Variants in OBP2B observed in about 807,000 individuals in gnomAD.
The protein encoded by OBP2B is odorant-binding protein 2b.
OBP2B carries 10 observed loss-of-function variants against 21.7 expected under a neutral mutation model. That is an observed-to-expected ratio of 0.46 (90% CI 0.28 to 0.78). The LOEUF is 0.78. OBP2B is among the 30% of genes least tolerant of loss of function. The pLI, the probability that OBP2B is intolerant of heterozygous loss-of-function variation, is 0.11. For synonymous variants in OBP2B, 73 were observed against 91.5 expected (o/e 0.80, Z 1.16); for missense variants, 153 against 217.7 (o/e 0.70, Z 1.87).
In OBP2B at chr9:133,205,338, G is replaced by A; in HGVS notation, c.*75C>T. 6.5e-7 allele frequency: 1 copy of A among 1,530,762 alleles called. No homozygotes were observed. 94.8% of individuals were successfully genotyped at this position (1,530,762 alleles called of 1,614,324 possible). A position where few individuals can be genotyped will look rare whatever the true frequency, so the allele number is the denominator to read the frequency against. ...TGGGAGCAGGGAAGGGTCATGGCTG[G>A]AGGGTAGGTCCAGGTGGTCCAGGCT... On this transcript the variant is annotated 3_prime_UTR_variant, in exon 7 of 7. Transcript: ENST00000372034.
In OBP2B at chr9:133,206,400, G is replaced by A. The variant is rs1833712667; in HGVS notation, c.405C>T (p.Thr135=). ...TAAATTCTTCCAGGGCCTCCCGGTT[G>A]GTATCAGAATTCCTACCTGCAGGTG... ...MGKLVGRNSD[T]NREALEEFKK... is the part of the protein sequence containing the mutation. The change falls in exon 5 of 7, where the codon ACC becomes ACT. Residue 135 remains threonine, a synonymous_variant. Coordinates refer to ENST00000372034, the MANE Select transcript of OBP2B (RefSeq NM_014581.4). The A allele has an allele frequency of 9.9e-6, 16 of 1,614,044 alleles. No individual in the cohort carries two copies. The highest frequency in any genetic ancestry group is 1.3e-5 in the Non-Finnish European group (15 of 1,179,958).
chr9:133,222,621 G>A, the OBP2B span, among the ~76,000 whole-genome samples: 2 of 152,088 alleles, frequency 1.3e-5, no homozygotes, highest in Non-Finnish European at 2.9e-5. Context: ...CCAGCTACTC[G>A]GGAGGCTGAG....
In OBP2B at chr9:133,205,913, T is replaced by C. The variant is rs1443052323; in HGVS notation, c.*1+4A>G. ...GTCCAGTGCCCTCCTAAAGGCTCAC[T>C]CACCCTAGTGTTCGGGAACGCAGCT... On this transcript the variant is annotated splice_donor_region_variant and intron_variant, in intron 6 of 6. Transcript: ENST00000372034. 6.2e-7 allele frequency: 1 copy of C among 1,613,842 alleles called. No individual in the cohort carries two copies. The highest frequency in any genetic ancestry group is 8.5e-7 in the Non-Finnish European group (1 of 1,179,814).
chr9:133,217,904 G>T, the OBP2B span, among the ~76,000 whole-genome samples: 1 of 152,180 alleles, frequency 6.6e-6, no homozygotes, highest in Non-Finnish European at 1.5e-5. Flanking sequence ...ATTCTTTGTG[G>T]TTCTCTTTAA....
chr9:133,216,718 G>A, the OBP2B span, among the ~76,000 whole-genome samples: 1 of 151,900 alleles, frequency 6.6e-6, no homozygotes, highest in Non-Finnish European at 1.5e-5. Context: ...TGCAACAATG[G>A]GATGAATCTC....
intron 4 of OBP2B, among the ~76,000 whole-genome samples, chr9:133,206,729 A>T (rs1388844088): frequency 6.6e-6 from 1 of 151,484 alleles, no homozygotes; most frequent in Admixed American, 6.6e-5. Context: ...GGGACTGGGG[A>T]CAGAGGAGAC....
chr9:133,214,061 G>A (rs1165246912), upstream of OBP2B, among the ~76,000 whole-genome samples: 1 of 152,038 alleles, frequency 6.6e-6, no homozygotes, highest in Non-Finnish European at 1.5e-5. Flanking sequence ...ATGGAAACCT[G>A]GTACAATACT....
chr9:133,215,764 C>T, the OBP2B span, among the ~76,000 whole-genome samples: 2 of 152,178 alleles, frequency 1.3e-5, no homozygotes, highest in African/African-American at 4.8e-5. Flanking sequence ...ATAAAGAATC[C>T]TCAAACAGAC....
At chr9:133,220,107 T>G in the OBP2B span, among the ~76,000 whole-genome samples, 1 of 151,954 alleles carries the variant, frequency 6.6e-6, no homozygotes, top group African/African-American at 2.4e-5. Context: ...TTCTGGGGCG[T>G]GGAGGGAAGA....
chr9:133,212,754 A>G (rs540234591), upstream of OBP2B, among the ~76,000 whole-genome samples: 1 of 152,198 alleles, frequency 6.6e-6, no homozygotes, highest in African/African-American at 2.4e-5. Flanking sequence ...AACATGGCGA[A>G]AACCCATCTC....
chr9:133,213,360 C>T (rs1467568293), upstream of OBP2B, among the ~76,000 whole-genome samples: 1 of 152,076 alleles, frequency 6.6e-6, no homozygotes, highest in East Asian at 1.9e-4. Flanking sequence ...GCTCCCACTT[C>T]AAGAACCTAG....
upstream of OBP2B, among the ~76,000 whole-genome samples, chr9:133,210,596 T>A (rs1833897081): frequency 6.6e-6 from 1 of 151,832 alleles, no homozygotes; most frequent in Non-Finnish European, 1.5e-5. Context: ...CGTATTTCAT[T>A]GGTTGTTTGT....
At chr9:133,222,860 G>T in the OBP2B span, among the ~76,000 whole-genome samples, 2 of 151,674 alleles carry the variant, frequency 1.3e-5, no homozygotes, top group African/African-American at 2.4e-5. Context: ...CCACACAGCT[G>T]GTCCCACTGC....
At chr9:133,222,981 G>C in the OBP2B span, among the ~76,000 whole-genome samples, 2 of 152,124 alleles carry the variant, frequency 1.3e-5, no homozygotes, top group African/African-American at 4.8e-5. Context: ...AAGTGGCATG[G>C]AACCAGTCTG....
intron 4 of OBP2B, 72 bp from the exon 5 acceptor site, chr9:133,206,488 G>A: frequency 6.3e-7 from 1 of 1,590,420 alleles, no homozygotes; most frequent in Non-Finnish European, 8.6e-7. Context: ...GATGCCGAAA[G>A]GAGACGACCA....
chr9:133,207,597 C>G (rs1255410626), intron 3 of OBP2B, among the ~76,000 whole-genome samples: 4 of 152,140 alleles, frequency 2.6e-5, no homozygotes, highest in Non-Finnish European at 1.5e-5. Flanking sequence ...GCTCCTGCCC[C>G]ACTTCCCTGT....
At chr9:133,208,103 G>GGTGGGGGTGGGA (rs1171752449) in intron 3 of OBP2B, 30 bp downstream of exon 3, 55 of 1,540,742 alleles carry the variant, frequency 3.6e-5, no homozygotes, top group Non-Finnish European at 4.8e-5. Flanking sequence ...GGTGGGGGAG[G>GGTGGGGGTGGGA]GTGGGGGTGG....
At chr9:133,219,860 T>C in the OBP2B span, among the ~76,000 whole-genome samples, 1 of 152,046 alleles carries the variant, frequency 6.6e-6, no homozygotes, top group East Asian at 1.9e-4. Flanking sequence ...ACCCAAGAAG[T>C]AGAAACAACT....
At chr9:133,212,837 A>C (rs1833931022), upstream of OBP2B, among the ~76,000 whole-genome samples, 1 of 152,166 alleles carries the variant, frequency 6.6e-6, no homozygotes, top group East Asian at 1.9e-4. Context: ...AGGCTGAGGC[A>C]GGAGAATCAC....
Sources: allele counts gnomAD v4.1 joint callset (sites outside exome capture counted in the v4.1 genomes callset), GRCh38; gene constraint gnomAD v4.1.1; transcripts MANE v1.5; gene names NCBI Gene and HGNC (gene_info 2026-07-23, HGNC 2026-07-21).